DNAH3: variants seen among roughly 807,000 people sequenced by gnomAD.
DNAH3 encodes the protein dynein axonemal heavy chain 3, also known as axonemal beta dynein heavy chain 3.
A neutral mutation model predicts 432.5 loss-of-function variants in DNAH3; 332 were observed. The observed-to-expected ratio is 0.77, with a 90% CI of 0.70 to 0.84. DNAH3 has a LOEUF of 0.84. DNAH3 is among the 40% of genes least tolerant of loss of function. DNAH3 has a pLI of 0.00. For synonymous variants in DNAH3, 1,956 were observed against 1,900.2 expected (o/e 1.03, Z -0.76); for missense variants, 4,861 against 5,114.0 (o/e 0.95, Z 1.51).
At chr16:20,987,412 C>T (rs758340155) in exon 47 of DNAH3, 2 of 1,614,012 alleles carry the variant, frequency 1.2e-6, no homozygotes, top group African/African-American at 2.7e-5. Flanking sequence ...ACCCGATAAA[C>T]CTCATGGATC....
intron 53 of DNAH3, among the ~76,000 whole-genome samples, chr16:20,962,563 G>A (rs971328220): frequency 6.6e-6 from 1 of 152,334 alleles, no homozygotes; most frequent in Non-Finnish European, 1.5e-5. Context: ...AGAAAAGACA[G>A]CCAGACAGTA....
At chr16:21,125,740 T>C (rs1316319861) in intron 8 of DNAH3, among the ~76,000 whole-genome samples, 1 of 152,178 alleles carries the variant, frequency 6.6e-6, no homozygotes, top group East Asian at 1.9e-4. Flanking sequence ...TGGTCTCTGA[T>C]TCAAACTTCA....
At chr16:21,118,193 G>A (rs2092253152) in intron 11 of DNAH3, among the ~76,000 whole-genome samples, 1 of 151,980 alleles carries the variant, frequency 6.6e-6, no homozygotes, top group South Asian at 2.1e-4. Context: ...TCACCATGTT[G>A]GCCAGGCTTG....
At chr16:20,988,763 GGTGA>G (rs1418653422) in intron 44 of DNAH3, among the ~76,000 whole-genome samples, 3 of 152,220 alleles carry the variant, frequency 2.0e-5, no homozygotes, top group Non-Finnish European at 4.4e-5. Context: ...GACCCCTCGC[GGTGA>G]GTGTTACAGC....
At chr16:21,037,845 C>T in exon 34 of DNAH3, 1 of 1,614,208 alleles carries the variant, frequency 6.2e-7, no homozygotes. Context: ...TTTCATTCTC[C>T]TCTGGATACT....
In DNAH3 at chr16:20,964,524, C is replaced by A. The variant is rs780632287; in HGVS notation, c.9360G>T (p.Gln3120His). 5.6e-6 allele frequency: 9 copies of A among 1,614,076 alleles called. No individual in the cohort carries two copies. In the African/African-American group the frequency reaches 8.0e-5, roughly 14 times the overall value. Residue 3120 changes from glutamine (Q) to histidine (H), a missense_variant, in exon 53 of 62, where the codon CAG (glutamine) becomes CAT (histidine). Coordinates refer to ENST00000261383, the Ensembl canonical transcript of DNAH3. ...TTTCAATCAAGACAGGGGTGCCTAA[C>A]TGCAGCGCGTTTTCCAGCATCCTCA...
chr16:20,960,293 T>C (rs928669854), intron 53 of DNAH3, among the ~76,000 whole-genome samples: 2 of 152,122 alleles, frequency 1.3e-5, no homozygotes, highest in Non-Finnish European at 2.9e-5. Context: ...TTAATGTCCA[T>C]GGGAGATATA....
chr16:21,090,534 A>C (rs2091501615), intron 18 of DNAH3, among the ~76,000 whole-genome samples: 1 of 152,228 alleles, frequency 6.6e-6, no homozygotes, highest in South Asian at 2.1e-4. Flanking sequence ...AATATTTGAA[A>C]ATCAAACAAT....
chr16:21,145,863 T>C, intron 2 of DNAH3, 121 bp downstream of exon 3: 1 of 683,292 alleles, frequency 1.5e-6, no homozygotes, highest in Non-Finnish European at 2.6e-6. Context: ...CTACTAATCC[T>C]ACTTGTCAGG....
intron 35 of DNAH3, among the ~76,000 whole-genome samples, chr16:21,034,712 G>A (rs944537652): frequency 5.9e-5 from 9 of 152,186 alleles, no homozygotes; most frequent in African/African-American, 2.2e-4. Context: ...TAAAGATTAA[G>A]TTCTTATTAT....
chr16:21,054,102 G>C (rs553980045), intron 28 of DNAH3, among the ~76,000 whole-genome samples: 1 of 152,254 alleles, frequency 6.6e-6, no homozygotes, highest in African/African-American at 2.4e-5. Context: ...CTGGCACCTA[G>C]CAAGCATTCA....
At chr16:20,935,255 T>G (rs1215294116) in intron 61 of DNAH3, 93 bp downstream of exon 61, 1 of 1,501,980 alleles carries the variant, frequency 6.7e-7, no homozygotes, top group East Asian at 2.3e-5. Context: ...ATTTGGGTCT[T>G]AACACATCCA....
intron 7 of DNAH3, among the ~76,000 whole-genome samples, chr16:21,128,521 C>T (rs964339021): frequency 5.1e-4 from 78 of 151,812 alleles, no homozygotes; most frequent in Non-Finnish European, 1.9e-4. Flanking sequence ...GCTGAAACCC[C>T]GTCTCTACTA....
chr16:20,959,498 G>A, intron 53 of DNAH3, 94 bp from the exon 54 acceptor site: 4 of 1,289,280 alleles, frequency 3.1e-6, no homozygotes, highest in Non-Finnish European at 4.4e-6. Context: ...GGCTGGGTGT[G>A]GTGGCTCACA....
rs202066265 is a variant in DNAH3 at position 20,944,650 on chromosome 16, T to C, written c.11357A>G (p.Tyr3786Cys). 31 of 1,613,866 alleles carry C rather than the reference T, an allele frequency of 1.9e-5. No homozygotes were observed. The highest frequency in any genetic ancestry group is 2.4e-5 in the Non-Finnish European group (28 of 1,179,994). The change falls in exon 58 of 62, where the codon TAT (tyrosine) becomes TGT (cysteine). Residue 3786 changes from tyrosine (Y) to cysteine (C), a missense_variant. Physicochemically the swap from Tyr to Cys is radical, Grantham distance 194 (BLOSUM62 -2). Transcript: ENST00000261383. ...GGCTGTGATGGGGAGATTCCTGAGATAGTCGATATAGGACTGGAAGGGAAA... is the reference window on the plus strand; with the variant it reads ...GGCTGTGATGGGGAGATTCCTGAGACAGTCGATATAGGACTGGAAGGGAAA...
chr16:21,051,666 G>A lies in DNAH3; in HGVS notation c.4238+4C>T, dbSNP rs1469723307. The stretch of plus-strand genomic sequence containing the variant: ...CCCTCAGATCTAGGAGCTCCAGAGT[G>A]TACCTGTAGCAGCGGTCGGTGAGGG... On this transcript the variant is annotated splice_donor_region_variant and intron_variant, in intron 29 of 61. Transcript: ENST00000261383. 1.2e-6 allele frequency: 2 copies of A among 1,612,548 alleles called. No individual in the cohort carries two copies. Among genetic ancestry groups the A allele is most frequent in the East Asian group, 2.2e-5 (1 of 44,882 alleles).
intron 44 of DNAH3, 39 bp from the exon 45 acceptor site, chr16:20,988,104 C>A: frequency 6.2e-7 from 1 of 1,609,886 alleles, no homozygotes; most frequent in Non-Finnish European, 8.5e-7. Context: ...TCCTGGAAAA[C>A]ACATATTCTC....
intron 41 of DNAH3, among the ~76,000 whole-genome samples, chr16:21,013,719 C>CAAAAAAAAAAAAAAAAAAAAAATAAAA: frequency 2.1e-5 from 1 of 47,428 alleles, no homozygotes; most frequent in Non-Finnish European, 4.1e-5. Flanking sequence ...AACTCCATCT[C>CAAAAAAAAAAAAAAAAAAAAAATAAAA]AAAAAAAAAA....
exon 50 of DNAH3, chr16:20,979,430 A>T (rs761741858): frequency 6.2e-7 from 1 of 1,614,156 alleles, no homozygotes; most frequent in Non-Finnish European, 8.5e-7. Context: ...CTTGAAGGTT[A>T]GAATCAATTC....
Sources: allele counts gnomAD v4.1 joint callset (sites outside exome capture counted in the v4.1 genomes callset), GRCh38; gene constraint gnomAD v4.1.1; transcripts MANE v1.5; gene names NCBI Gene and HGNC (gene_info 2026-07-23, HGNC 2026-07-21).